The following CDK1 variants were observed in gnomAD, a reference collection of about 807,000 sequenced individuals.
CDK1 encodes the protein cyclin-dependent kinase 1.
A neutral mutation model predicts 34.6 loss-of-function variants in CDK1; 5 were observed. The ratio of observed to expected loss-of-function variants is 0.14; its 90% confidence interval spans 0.08 to 0.30. CDK1 has a LOEUF of 0.30. CDK1 is among the 10% of genes least tolerant of loss of function. The probability of loss-of-function intolerance (pLI) is 1.00; values close to 1 mark genes in which losing one functional copy is unlikely to be tolerated. For missense variants in CDK1, 157 were observed against 345.7 expected, an observed-to-expected ratio of 0.45 and a Z score of 4.33; for synonymous variants, 108 against 114.7, an observed-to-expected ratio of 0.94 and a Z score of 0.37.
intron 2 of CDK1, among the ~76,000 whole-genome samples, chr10:60,783,869 C>A (rs1231704463): frequency 6.6e-6 from 1 of 152,070 alleles, no homozygotes; most frequent in Non-Finnish European, 1.5e-5. Flanking sequence ...ATACAATGTG[C>A]TTTATTAGGT....
In CDK1 at chr10:60,792,051, C is replaced by T; in HGVS notation, c.651C>T (p.Phe217=). The T allele has an allele frequency of 6.3e-7, 1 of 1,596,218 alleles. No homozygotes were observed. The highest frequency in any genetic ancestry group is 8.5e-7 in the Non-Finnish European group (1 of 1,170,180). Residue 217 remains phenylalanine (F), a splice_region_variant and synonymous_variant, in exon 6 of 8, where the codon TTC becomes TTT. Coordinates refer to ENST00000395284, the MANE Select transcript of CDK1 (RefSeq NM_001786.5). ...AAATTGATCAACTCTTCAGGATTTT[C>T]AGGTAGCTATTAAAAACTGAGATAA... ...DSEIDQLFRI[F]RALGTPNNEV...
chr10:60,779,953 CAAG>C (rs1019783402), intron 1 of CDK1, among the ~76,000 whole-genome samples, 185 bp from the exon 2 acceptor site: 3 of 152,080 alleles, frequency 2.0e-5, no homozygotes, highest in African/African-American at 4.8e-5. Flanking sequence ...TCTCAGGAGT[CAAG>C]AAGGATGGAA....
At chr10:60,779,534 C>T (rs956546390) in intron 1 of CDK1, among the ~76,000 whole-genome samples, 3 of 152,050 alleles carry the variant, frequency 2.0e-5, no homozygotes, top group African/African-American at 7.2e-5. Context: ...ATTTCCTACT[C>T]TTGGAAAAAG....
At chr10:60,787,161 T>C (rs1369900755) in intron 4 of CDK1, 3 of 596,496 alleles carry the variant, frequency 5.0e-6, no homozygotes, top group Non-Finnish European at 6.3e-6. Context: ...GCAGAAATGA[T>C]GCACATTCAC....
chr10:60,783,921 G>T (rs1369361735), intron 2 of CDK1, among the ~76,000 whole-genome samples: 2 of 152,150 alleles, frequency 1.3e-5, no homozygotes, highest in Non-Finnish European at 2.9e-5. Flanking sequence ...ATTCTTTTGA[G>T]AATGAGGACT....
chr10:60,780,722 A>G (rs1444376315), intron 2 of CDK1, among the ~76,000 whole-genome samples: 1 of 152,186 alleles, frequency 6.6e-6, no homozygotes, highest in Non-Finnish European at 1.5e-5. Flanking sequence ...CTAAAATTAT[A>G]ACTTATGTAT....
chr10:60,786,559 A>G (rs951962080), intron 4 of CDK1: 1 of 171,224 alleles, frequency 5.8e-6, no homozygotes, highest in African/African-American at 2.4e-5. Flanking sequence ...TTATCTTCGT[A>G]TGCAACTTTA....
chr10:60,778,546 C>G lies in CDK1; in HGVS notation c.-50C>G, dbSNP rs2080242668. ...GACGCGGTTGTTGTAGCTGCCGCTG[C>G]GGCCGCCGCGGAATAATAAGCCGGG... On this transcript the variant is annotated 5_prime_UTR_variant, in exon 1 of 8. Coordinates refer to ENST00000395284, the MANE Select transcript of CDK1 (RefSeq NM_001786.5). 1 of 152,418 alleles carries G rather than the reference C, an allele frequency of 6.6e-6. No individual in the cohort carries two copies. Among genetic ancestry groups the G allele is most frequent in the Non-Finnish European group, 1.5e-5 (1 of 68,214 alleles). 9.4% of individuals were successfully genotyped at this position (152,418 alleles called of 1,614,324 possible).
chr10:60,791,708 T>C (rs532255434), intron 5 of CDK1, among the ~76,000 whole-genome samples, 182 bp from the exon 6 acceptor site: 1 of 152,332 alleles, frequency 6.6e-6, no homozygotes, highest in South Asian at 2.1e-4. Flanking sequence ...TGTCTTCTAA[T>C]GAATAGAACT....
intron 2 of CDK1, among the ~76,000 whole-genome samples, chr10:60,784,192 C>T (rs1221638494): frequency 1.3e-5 from 2 of 152,150 alleles, no homozygotes; most frequent in Non-Finnish European, 2.9e-5. Context: ...GTGATGACTA[C>T]ATGAATTTTA....
Position 60,793,949 on chromosome 10 carries a change from T to C in CDK1, c.868T>C (p.Leu290=), listed in dbSNP as rs2080378943. ...MALNHPYFND[L]DNQIKKM is the part of the protein sequence containing the mutation. ...ACTGAATCATCCATATTTTAATGAT[T>C]TGGACAATCAGATTAAGAAGATGTA... The change falls in exon 8 of 8, where the codon TTG becomes CTG. Residue 290 remains leucine (L), a synonymous_variant. Coordinates refer to ENST00000395284, the MANE Select transcript of CDK1 (RefSeq NM_001786.5). 1.3e-6 allele frequency: 2 copies of C among 1,542,094 alleles called. No homozygotes were observed. Among genetic ancestry groups the C allele is most frequent in the Admixed American group, 2.3e-5 (1 of 44,292 alleles).
chr10:60,781,991 T>C (rs1473826477), intron 2 of CDK1, among the ~76,000 whole-genome samples: 1 of 152,234 alleles, frequency 6.6e-6, no homozygotes, highest in East Asian at 1.9e-4. Context: ...CAATGCCTGA[T>C]TGTTTTGGAT....
At chr10:60,778,971 A>T (rs930439073) in intron 1 of CDK1, among the ~76,000 whole-genome samples, 28 of 152,060 alleles carry the variant, frequency 1.8e-4, no homozygotes, top group African/African-American at 6.5e-4. Flanking sequence ...GCGCCCTGCC[A>T]TCCCGCCTCG....
In CDK1 at chr10:60,780,146, ACCATAC is replaced by A; in HGVS notation, c.-15_-10del. ...CAGTTTTTCCTTCACTTTAGGATCTACCATACCCATTGACTAACTATGGAAGATTAT... is the reference window on the plus strand; with the variant it reads ...CAGTTTTTCCTTCACTTTAGGATCTACCATTGACTAACTATGGAAGATTAT... On this transcript the variant is annotated 5_prime_UTR_variant, in exon 2 of 8. Transcript: ENST00000395284. 1 of 1,491,322 alleles carries A rather than the reference ACCATAC, an allele frequency of 6.7e-7. No individual in the cohort carries two copies. The highest frequency in any genetic ancestry group is 1.1e-5 in the South Asian group (1 of 88,328). The allele number at this position is 1,491,322 out of a possible 1,614,324, so 92.4% of individuals were successfully genotyped here.
At chr10:60,783,670 T>C (rs2132065177) in intron 2 of CDK1, 1 of 152,306 alleles carries the variant, frequency 6.6e-6, no homozygotes, top group South Asian at 2.1e-4. Context: ...ATCTAGGGAA[T>C]TCAGCCACGT....
intron 4 of CDK1, chr10:60,786,312 C>A: frequency 1.0e-6 from 1 of 966,412 alleles, no homozygotes; most frequent in Non-Finnish European, 1.2e-6. Context: ...TATGTATGTT[C>A]ACTTTGTATG....
chr10:60,781,433 T>C (rs957518461), intron 2 of CDK1, among the ~76,000 whole-genome samples: 1 of 152,198 alleles, frequency 6.6e-6, no homozygotes, highest in Non-Finnish European at 1.5e-5. Flanking sequence ...CTCTTAACTT[T>C]TCTGGATCTC....
Position 60,792,486 on chromosome 10 carries a change from T to C in CDK1, c.795+197T>C, listed in dbSNP as rs951796352. 9.9e-5 allele frequency among the ~76,000 whole-genome samples: 15 copies of C among 152,226 alleles called. 1 individual carries two copies. The highest frequency in any genetic ancestry group is 8.3e-4 in the South Asian group (4 of 4,820). Reference sequence around the variant, plus strand: ...TGAGAGGAGGATTTAGCATTAGTTTTTGTTTTTTATCTGACAGGTAGCTAT... The same window carrying C: ...TGAGAGGAGGATTTAGCATTAGTTTCTGTTTTTTATCTGACAGGTAGCTAT... On this transcript the variant is annotated intron_variant, in intron 7 of 7. Coordinates refer to ENST00000395284, the MANE Select transcript of CDK1 (RefSeq NM_001786.5).
intron 4 of CDK1, chr10:60,786,285 T>C (rs2080315166): frequency 1.0e-6 from 1 of 981,032 alleles, no homozygotes; most frequent in African/African-American, 1.7e-5. Flanking sequence ...TTAGTTTTAT[T>C]TGTAATCTTA....
Sources: gnomAD v4.1 joint callset for allele counts (sites outside exome capture counted in the v4.1 genomes callset) on GRCh38, gnomAD v4.1.1 for gene constraint, MANE v1.5 for transcripts, NCBI Gene and HGNC (gene_info 2026-07-23, HGNC 2026-07-21) for gene names.